TBC1D4: variants seen among roughly 807,000 people sequenced by gnomAD.
TBC1D4 encodes the protein TBC (Tre-2, BUB2, CDC16) domain-containing protein.
In TBC1D4, 121 loss-of-function variants were observed where a neutral mutation model predicts 142.5. The observed-to-expected ratio is 0.85, with a 90% CI of 0.73 to 0.99. The LOEUF (loss-of-function observed/expected upper bound fraction) is 0.99. TBC1D4 is among the 50% of genes least tolerant of loss of function. The pLI is 0.00. For synonymous variants in TBC1D4, 630 were observed against 628.2 expected (o/e 1.00, Z -0.04); for missense variants, 1,475 against 1,606.6 (o/e 0.92, Z 1.40).
At chr13:75,375,658 A>G (rs927736) in intron 1 of TBC1D4, 151,706 of 152,164 alleles carry the variant, frequency 1, 75,626 homozygotes, top group Middle Eastern at 1. Context: ...TGTCTTGGGG[A>G]CCTCAACTCC....
chr13:75,362,267 A>G lies in TBC1D4; in HGVS notation c.839T>C (p.Leu280Ser). Residue 280 changes from leucine (L) to serine (S), a missense_variant, in exon 2 of 21, where the codon TTA (leucine) becomes TCA (serine). Physicochemically the swap from Leu to Ser is moderately radical, Grantham distance 145. Transcript: ENST00000377636. This position sits in a 1 kb window ranked among gnomAD's most constrained non-coding sequence, Gnocchi z 4.2. ...GGCAGGCTGGCTGGCCCCGGCAGGT[A>G]AGCCAAGGTGGGTGTCGGTGCCGTC... Reference protein sequence around the residue: ...EADGTDTHLGLPAGASQPALT... With the variant: ...EADGTDTHLGSPAGASQPALT... 6.2e-7 allele frequency: 1 copy of G among 1,613,840 alleles called. No individual in the cohort carries two copies. The highest frequency in any genetic ancestry group is 8.5e-7 in the Non-Finnish European group (1 of 1,179,976).
At chr13:75,377,843 T>C (rs571264620) in intron 1 of TBC1D4, among the ~76,000 whole-genome samples, 55 of 151,874 alleles carry the variant, frequency 3.6e-4, no homozygotes, top group African/African-American at 1.2e-3. Context: ...CCGGGCCTGA[T>C]AGAGTTCACT....
At chr13:75,400,333 C>T (rs1164618735) in intron 1 of TBC1D4, among the ~76,000 whole-genome samples, 5 of 152,128 alleles carry the variant, frequency 3.3e-5, no homozygotes, top group Non-Finnish European at 7.4e-5. Flanking sequence ...TTTGCATGAA[C>T]AACTCTCAGT....
intron 1 of TBC1D4, chr13:75,367,027 C>A (rs759081250): frequency 3.1e-6 from 3 of 972,324 alleles, no homozygotes; most frequent in Non-Finnish European, 3.7e-6. Context: ...AATAAGCTGG[C>A]GGTATTTTCA....
intron 17 of TBC1D4, 63 bp from the exon 18 acceptor site, chr13:75,295,076 C>T (rs1462510485): frequency 1.4e-6 from 2 of 1,441,892 alleles, no homozygotes; most frequent in South Asian, 2.4e-5. Context: ...ATCAAACACA[C>T]TGATTTTAAT....
At chr13:75,288,514 G>A (rs1874925343) in intron 20 of TBC1D4, among the ~76,000 whole-genome samples, 1 of 151,934 alleles carries the variant, frequency 6.6e-6, no homozygotes. Context: ...TTGCTGCTCT[G>A]CCATGTCCTT....
Position 75,443,143 on chromosome 13 carries a change from G to A in TBC1D4, c.498+38127C>T, listed in dbSNP as rs139741120. Among the ~76,000 whole-genome samples the A allele has an allele frequency of 2.7e-3, 414 of 152,322 alleles. 1 individual carries two copies. The highest frequency in any genetic ancestry group is 9.6e-3 in the African/African-American group (401 of 41,562). ...CAGCTGGATGCAGCCAGATGCACAAGTGAATGCCAACAGCGGCTAGGACAT... is the reference window on the plus strand; with the variant it reads ...CAGCTGGATGCAGCCAGATGCACAAATGAATGCCAACAGCGGCTAGGACAT... On this transcript the variant is annotated intron_variant, in intron 1 of 20. Transcript: ENST00000377636.
chr13:75,327,045 A>G (rs888899582), intron 9 of TBC1D4, among the ~76,000 whole-genome samples: 2 of 152,234 alleles, frequency 1.3e-5, no homozygotes, highest in African/African-American at 4.8e-5. Context: ...CAGGAAATGA[A>G]TGAAAACCGA....
chr13:75,381,611 C>T (rs187496243), intron 1 of TBC1D4, among the ~76,000 whole-genome samples: 8 of 152,274 alleles, frequency 5.3e-5, no homozygotes, highest in African/African-American at 1.2e-4. Flanking sequence ...TTCCTTATTG[C>T]CCAGATATGA....
chr13:75,326,574 G>A (rs747551108), intron 9 of TBC1D4, 151 bp from the exon 10 acceptor site: 48 of 811,814 alleles, frequency 5.9e-5, no homozygotes, highest in Non-Finnish European at 7.3e-5. Flanking sequence ...AATTTATGCC[G>A]TAGGCTAATC....
intron 1 of TBC1D4, among the ~76,000 whole-genome samples, chr13:75,448,093 T>C (rs1442204476): frequency 6.6e-6 from 1 of 152,174 alleles, no homozygotes; most frequent in Non-Finnish European, 1.5e-5. Context: ...AACCTCTTCC[T>C]GGTGCCAAAA....
At chr13:75,301,412 C>T (rs1876529808) in intron 16 of TBC1D4, among the ~76,000 whole-genome samples, 2 of 151,918 alleles carry the variant, frequency 1.3e-5, no homozygotes, top group Admixed American at 1.3e-4. Flanking sequence ...GAGGCCGAGG[C>T]GGGTGGATCA....
chr13:75,438,468 T>C (rs1030394672), intron 1 of TBC1D4, among the ~76,000 whole-genome samples: 2 of 152,112 alleles, frequency 1.3e-5, no homozygotes, highest in African/African-American at 4.8e-5. Flanking sequence ...CCTAGGTGTA[T>C]AAAAAGGGGC....
intron 1 of TBC1D4, among the ~76,000 whole-genome samples, chr13:75,423,981 T>C (rs1886270402): frequency 6.6e-6 from 1 of 152,218 alleles, no homozygotes; most frequent in African/African-American, 2.4e-5. Flanking sequence ...ACGTGTATTT[T>C]TGACAGTTTG....
At chr13:75,348,073 A>G (rs1053881751) in intron 5 of TBC1D4, among the ~76,000 whole-genome samples, 6 of 152,210 alleles carry the variant, frequency 3.9e-5, no homozygotes, top group African/African-American at 1.2e-4. Context: ...GCTGGTAGGT[A>G]GAGGCTGCAG....
Position 75,362,522 on chromosome 13 carries a change from G to T in TBC1D4, c.584C>A (p.Ala195Asp). The change falls in exon 2 of 21, where the codon GCC (alanine) becomes GAC (aspartate). Residue 195 changes from alanine (A) to aspartate (D), a missense_variant. Transcript: ENST00000377636. This position sits in a 1 kb window ranked among gnomAD's most constrained non-coding sequence, Gnocchi z 4.2. ...TTCGAACTTCTGAGAGTTGTAAAAGGCGTCCTCATTATCTTTGCTGGGTTT... is the reference window on the plus strand; with the variant it reads ...TTCGAACTTCTGAGAGTTGTAAAAGTCGTCCTCATTATCTTTGCTGGGTTT... The part of the protein sequence containing the change: ...DAKPSKDNED[A>D]FYNSQKFEVL... The T allele has an allele frequency of 1.2e-6, 2 of 1,614,228 alleles. No individual in the cohort carries two copies. The highest frequency in any genetic ancestry group is 1.7e-6 in the Non-Finnish European group (2 of 1,180,050).
chr13:75,427,156 T>C lies in TBC1D4; in HGVS notation c.498+54114A>G, dbSNP rs61960798. 1.7e-3 allele frequency among the ~76,000 whole-genome samples: 251 copies of C among 151,966 alleles called. 2 individuals carry two copies. Among genetic ancestry groups the C allele is most frequent in the Non-Finnish European group, 2.3e-3 (158 of 67,936 alleles). ...CAGGCTGGAGTGCAGTGGCGCGATC[T>C]CGCTCACTGCAAGCTCCGCCTCCCA... On this transcript the variant is annotated intron_variant, in intron 1 of 20. Transcript: ENST00000377636.
intron 16 of TBC1D4, among the ~76,000 whole-genome samples, chr13:75,301,576 C>T (rs374353081): frequency 1.3e-5 from 2 of 150,582 alleles, no homozygotes; most frequent in African/African-American, 4.9e-5. Flanking sequence ...ACCTGGGAGG[C>T]GGAGCTTGCA....
chr13:75,340,718 G>C (rs1412142666), intron 7 of TBC1D4, among the ~76,000 whole-genome samples: 2 of 152,092 alleles, frequency 1.3e-5, no homozygotes, highest in Non-Finnish European at 2.9e-5. Flanking sequence ...AGGCCGAGGC[G>C]GGGGGATCAC....
Sources: gnomAD v4.1 joint callset for allele counts (sites outside exome capture counted in the v4.1 genomes callset) on GRCh38, gnomAD v4.1.1 for gene constraint, Gnocchi (gnomAD v3.1) non-coding constraint, MANE v1.5 for transcripts, NCBI Gene and HGNC (gene_info 2026-07-23, HGNC 2026-07-21) for gene names.